The following DOCK1 variants were observed in gnomAD, a reference collection of about 807,000 sequenced individuals.
DOCK1 encodes dedicator of cytokinesis 1, also known as dedicator of cytokinesis protein 1.
In DOCK1, 138 loss-of-function variants were observed where a neutral mutation model predicts 262.7. The ratio of observed to expected loss-of-function variants is 0.53; its 90% confidence interval spans 0.46 to 0.61. The LOEUF (loss-of-function observed/expected upper bound fraction) is 0.61, where lower values mean the gene tolerates loss of function less well. Among genes scored for constraint, DOCK1 ranks in the 20% least tolerant of loss-of-function variants. DOCK1 has a pLI of 0.00. For missense variants in DOCK1, 1,908 were observed against 2,370.7 expected (o/e 0.80, Z 4.05); for synonymous variants, 866 against 867.4 (o/e 1.00, Z 0.03).
chr10:127,157,620 A>G (rs1401384075), intron 27 of DOCK1, among the ~76,000 whole-genome samples: 1 of 152,200 alleles, frequency 6.6e-6, no homozygotes, highest in Non-Finnish European at 1.5e-5. Flanking sequence ...GTAAGAACCA[A>G]AGGAGTCATT....
At chr10:127,003,523 C>T (rs1460100442) in intron 10 of DOCK1, among the ~76,000 whole-genome samples, 1 of 152,198 alleles carries the variant, frequency 6.6e-6, no homozygotes, top group Non-Finnish European at 1.5e-5. Context: ...GCTGGTTTGC[C>T]TGGCTCCACT....
intron 1 of DOCK1, among the ~76,000 whole-genome samples, chr10:126,964,536 A>G (rs2037516268): frequency 6.6e-6 from 1 of 152,262 alleles, no homozygotes; most frequent in Non-Finnish European, 1.5e-5. Context: ...CATACCATTG[A>G]AAAGCGTTTC....
intron 31 of DOCK1, among the ~76,000 whole-genome samples, chr10:127,345,280 C>A (rs1490110936): frequency 6.6e-6 from 1 of 152,164 alleles, no homozygotes; most frequent in African/African-American, 2.4e-5. Flanking sequence ...GTGCATTTTT[C>A]TTCTATAATC....
chr10:127,100,549 G>A lies in DOCK1; in HGVS notation c.2446-5682G>A, dbSNP rs995183734. On this transcript the variant is annotated intron_variant, in intron 23 of 51. Transcript: ENST00000623213. The surrounding 1 kb of genome is among the most constrained non-coding windows in gnomAD (Gnocchi z 5.5). The stretch of plus-strand genomic sequence containing the variant: ...GGTGTTGGGCTCAGGAGGAAGGGGA[G>A]CCCTGGAGATGGATCAGAATTGGGA... 6.6e-6 allele frequency among the ~76,000 whole-genome samples: 1 copy of A among 152,116 alleles called. No homozygotes were observed. The highest frequency in any genetic ancestry group is 6.5e-5 in the Admixed American group (1 of 15,280).
intron 39 of DOCK1, among the ~76,000 whole-genome samples, chr10:127,403,740 C>T (rs1479462019): frequency 2.6e-5 from 4 of 152,168 alleles, no homozygotes; most frequent in Non-Finnish European, 5.9e-5. Flanking sequence ...GCCTGGGCAA[C>T]AGAGTGAGAG....
intron 29 of DOCK1, among the ~76,000 whole-genome samples, chr10:127,264,807 C>T (rs2060295868): frequency 6.6e-6 from 1 of 152,146 alleles, no homozygotes; most frequent in South Asian, 2.1e-4. Context: ...ACTACCGACA[C>T]ATACCACCGT....
At chr10:127,325,407 G>A (rs544389037) in intron 29 of DOCK1, among the ~76,000 whole-genome samples, 1 of 152,310 alleles carries the variant, frequency 6.6e-6, no homozygotes, top group South Asian at 2.1e-4. Flanking sequence ...TCTATGCAAT[G>A]TGAGCTTATT....
At chr10:127,282,481 CTGCTTGGAGCAGGCTT>C (rs2060998008) in intron 29 of DOCK1, among the ~76,000 whole-genome samples, 1 of 152,192 alleles carries the variant, frequency 6.6e-6, no homozygotes, top group Non-Finnish European at 1.5e-5. Flanking sequence ...ATTGAGCAGC[CTGCTTGGAGCAGGCTT>C]GTTCTCAGAT....
intron 1 of DOCK1, among the ~76,000 whole-genome samples, chr10:126,931,203 A>C (rs1274571162): frequency 1.3e-5 from 2 of 152,182 alleles, no homozygotes; most frequent in Non-Finnish European, 2.9e-5. Flanking sequence ...TTTTCACTGC[A>C]AGCCTCTCAT....
chr10:126,948,807 C>T (rs950257078), intron 1 of DOCK1, among the ~76,000 whole-genome samples: 37 of 152,154 alleles, frequency 2.4e-4, no homozygotes, highest in South Asian at 2.1e-3. Context: ...CTGGATTTTC[C>T]ATCCTCTCCC....
intron 1 of DOCK1, among the ~76,000 whole-genome samples, chr10:126,956,887 G>T (rs1301946583): frequency 6.6e-6 from 1 of 152,122 alleles, no homozygotes; most frequent in Non-Finnish European, 1.5e-5. Context: ...TGAGCAGTGG[G>T]GGGCCACCAG....
At chr10:127,206,136 C>CTTTTTTTTTTTTTTTTTT (rs34450374) in intron 27 of DOCK1, among the ~76,000 whole-genome samples, 2 of 78,622 alleles carry the variant, frequency 2.5e-5, no homozygotes, top group Admixed American at 2.1e-4. Context: ...TTCTTCTTCT[C>CTTTTTTTTTTTTTTTTTT]TTTTTTTTTT....
chr10:127,021,572 C>T (rs1038396753), intron 13 of DOCK1, among the ~76,000 whole-genome samples: 3 of 152,112 alleles, frequency 2.0e-5, no homozygotes, highest in African/African-American at 7.2e-5. Flanking sequence ...GTGGTGCTGG[C>T]CTTGGAGGCT....
At chr10:127,428,735 G>C (rs2069011900) in intron 47 of DOCK1, among the ~76,000 whole-genome samples, 1 of 147,386 alleles carries the variant, frequency 6.8e-6, no homozygotes. Context: ...GGTGTCCTGT[G>C]GATTGGGGTG....
intron 27 of DOCK1, among the ~76,000 whole-genome samples, chr10:127,236,950 A>G (rs1205208526): frequency 3.9e-4 from 60 of 152,226 alleles, no homozygotes; most frequent in Admixed American, 3.9e-3. Flanking sequence ...TAAAATTTAT[A>G]CAGCAAACGT....
At position 127,043,144 on chromosome 10, in the gene DOCK1, T is replaced by C. The variant is rs374112333; in HGVS notation, c.2181T>C (p.Phe727=). 14 of 1,609,286 alleles carry C rather than the reference T, an allele frequency of 8.7e-6. No individual in the cohort carries two copies. The highest frequency in any genetic ancestry group is 1.6e-4 in the Middle Eastern group (1 of 6,078). The part of the protein sequence containing the change: ...PVLETYIKKH[F]SATLAYTKLT... The stretch of plus-strand genomic sequence containing the variant: ...TGGAAACTTACATTAAGAAACACTT[T>C]AGTGCAACGTTAGCCTACACGTAAG... Residue 727 remains phenylalanine (F), a synonymous_variant, in exon 21 of 52, where the codon TTT becomes TTC. Transcript: ENST00000623213.
chr10:127,017,824 G>A (rs1256831701), intron 12 of DOCK1, among the ~76,000 whole-genome samples: 1 of 152,164 alleles, frequency 6.6e-6, no homozygotes, highest in East Asian at 1.9e-4. Flanking sequence ...GTAGAAGACA[G>A]CTCAGGCCGA....
Position 127,451,590 on chromosome 10 carries a change from T to G in DOCK1, c.*163T>G. The G allele has an allele frequency of 6.8e-7, 1 of 1,466,054 alleles. No individual in the cohort carries two copies. The highest frequency in any genetic ancestry group is 9.0e-7 in the Non-Finnish European group (1 of 1,105,372). 90.8% of individuals were successfully genotyped at this position (1,466,054 alleles called of 1,614,324 possible). On this transcript the variant is annotated 3_prime_UTR_variant, in exon 52 of 52. Coordinates refer to ENST00000623213, the MANE Select transcript of DOCK1 (RefSeq NM_001290223.2). ...AGTTCAGTTCTCACCATGGAGTGAG[T>G]GGCCTTTAGCGTCATGGAGCAAGGT...
chr10:126,962,862 C>T (rs1358157555), intron 1 of DOCK1, among the ~76,000 whole-genome samples: 14 of 152,026 alleles, frequency 9.2e-5, no homozygotes, highest in African/African-American at 2.7e-4. Context: ...ATAGTTTTAG[C>T]TCTTATGTTT....
Sources: allele counts gnomAD v4.1 joint callset (sites outside exome capture counted in the v4.1 genomes callset), GRCh38; gene constraint gnomAD v4.1.1; non-coding constraint Gnocchi (gnomAD v3.1); transcripts MANE v1.5; gene names NCBI Gene and HGNC (gene_info 2026-07-23, HGNC 2026-07-21).